CNBD1: variants seen among roughly 807,000 people sequenced by gnomAD.
CNBD1 encodes the protein cyclic nucleotide binding domain containing 1, also known as cyclic nucleotide-binding domain-containing protein 1.
CNBD1 carries 71 observed loss-of-function variants against 54.4 expected under a neutral mutation model. That is an observed-to-expected ratio of 1.30 (90% confidence interval 1.08 to 1.59). The LOEUF (loss-of-function observed/expected upper bound fraction) is 1.59, where lower values mean the gene tolerates loss of function less well. Among genes scored for constraint, CNBD1 ranks in the 40% most tolerant of loss-of-function variants. The probability of loss-of-function intolerance (pLI) is 0.00; values close to 1 mark genes in which losing one functional copy is unlikely to be tolerated. For missense variants in CNBD1, 659 were observed against 518.0 expected (o/e 1.27, Z -2.64); for synonymous variants, 182 against 170.7 (o/e 1.07, Z -0.51).
intron 4 of CNBD1, among the ~76,000 whole-genome samples, chr8:86,960,796 A>C (rs1431388516): frequency 6.6e-6 from 1 of 152,154 alleles, no homozygotes; most frequent in African/African-American, 2.4e-5. Flanking sequence ...TTCCAGAGGA[A>C]GGATCAGGCA....
At chr8:86,972,101 GC>G (rs968308506) in intron 4 of CNBD1, among the ~76,000 whole-genome samples, 3 of 151,798 alleles carry the variant, frequency 2.0e-5, no homozygotes, top group African/African-American at 7.3e-5. Context: ...ACAGGTGCCC[GC>G]CACCATGCCT....
intron 6 of CNBD1, among the ~76,000 whole-genome samples, chr8:87,276,775 G>T (rs1056312657): frequency 6.6e-6 from 1 of 151,790 alleles, no homozygotes; most frequent in East Asian, 1.9e-4. Context: ...AGCCAGACAT[G>T]TCCTGCTGCT....
intron 5 of CNBD1, among the ~76,000 whole-genome samples, chr8:87,209,355 A>C (rs956950737): frequency 6.6e-6 from 1 of 152,178 alleles, no homozygotes; most frequent in Non-Finnish European, 1.5e-5. Flanking sequence ...AAATCAACAT[A>C]CAAAAATTAG....
At chr8:86,910,493 A>AGG (rs1259734525) in intron 3 of CNBD1, among the ~76,000 whole-genome samples, 4 of 152,090 alleles carry the variant, frequency 2.6e-5, no homozygotes, top group Admixed American at 2.6e-4. Flanking sequence ...GAAATGGGGG[A>AGG]GGGGGAGCAT....
rs1362333022 is a variant in CNBD1, at chr8:87,284,751, TG to T, written c.847del (p.Val283Ter). The part of the protein sequence containing the change: ...QNESETQMFS[V>X]VTEDDCEILK... ...GAATCGGAAACACAGATGTTCTCGGTGGTGACAGAAGACGATTGTGAAATTC... is the reference window on the plus strand; with the variant it reads ...GAATCGGAAACACAGATGTTCTCGGTGTGACAGAAGACGATTGTGAAATTC... On this transcript the variant is annotated frameshift_variant, in exon 7 of 11. Coordinates refer to ENST00000518476, the MANE Select transcript of CNBD1 (RefSeq NM_173538.3). LOFTEE classifies it high-confidence loss of function. 4.4e-6 allele frequency: 7 copies of T among 1,603,352 alleles called. No homozygotes were observed. Among genetic ancestry groups the T allele is most frequent in the Non-Finnish European group, 6.0e-6 (7 of 1,174,838 alleles).
At chr8:87,295,703 G>A (rs1016055113) in intron 8 of CNBD1, among the ~76,000 whole-genome samples, 20 of 151,730 alleles carry the variant, frequency 1.3e-4, no homozygotes, top group Admixed American at 6.6e-4. Flanking sequence ...TCCTATTATT[G>A]CAATTAACTT....
intron 6 of CNBD1, among the ~76,000 whole-genome samples, chr8:87,280,135 A>G (rs1486428909): frequency 6.6e-6 from 1 of 151,548 alleles, no homozygotes; most frequent in Non-Finnish European, 1.5e-5. Context: ...TTCCAACTTT[A>G]CCTTCCAGAT....
At position 86,927,312 on chromosome 8, in the gene CNBD1, G is replaced by A. The variant is rs1194958050; in HGVS notation, c.273-12284G>A. 2.6e-5 allele frequency among the ~76,000 whole-genome samples: 4 copies of A among 152,168 alleles called. No individual in the cohort carries two copies. In the South Asian group the frequency reaches 6.2e-4, roughly 24 times the overall value. ...AGAGGGGATAAGAAGGCATTCATTA[G>A]TGGGGGAGGCGCTGCTGCAGGGGGT... On this transcript the variant is annotated intron_variant, in intron 3 of 10. Transcript: ENST00000518476.
intron 4 of CNBD1, among the ~76,000 whole-genome samples, chr8:87,045,736 A>C (rs1235785774): frequency 6.7e-6 from 1 of 149,572 alleles, no homozygotes; most frequent in Non-Finnish European, 1.5e-5. Context: ...AAAAAAAAAA[A>C]AAAAAAAACA....
intron 4 of CNBD1, among the ~76,000 whole-genome samples, chr8:87,154,554 A>G (rs1226177823): frequency 1.3e-5 from 2 of 152,194 alleles, no homozygotes; most frequent in African/African-American, 4.8e-5. Context: ...CACTCTGTGT[A>G]CTTCTTGGAA....
chr8:86,962,092 A>G (rs780963830), intron 4 of CNBD1, among the ~76,000 whole-genome samples: 1 of 149,858 alleles, frequency 6.7e-6, no homozygotes, highest in Non-Finnish European at 1.5e-5. Context: ...CTGGCACTCC[A>G]TGAGGAAAAC....
intron 4 of CNBD1, among the ~76,000 whole-genome samples, chr8:86,958,576 T>G (rs1023371629): frequency 6.6e-6 from 1 of 152,240 alleles, no homozygotes; most frequent in African/African-American, 2.4e-5. Flanking sequence ...TCTTTACCAT[T>G]AGGTAACGGC....
chr8:87,212,142 C>A (rs373992743), intron 5 of CNBD1, among the ~76,000 whole-genome samples: 1 of 151,842 alleles, frequency 6.6e-6, no homozygotes, highest in Non-Finnish European at 1.5e-5. Context: ...AAAAATATAA[C>A]CTGCTTAGGA....
chr8:87,422,369 T>A (rs2130993852), intron 2 of CNBD1, among the ~76,000 whole-genome samples: 1 of 127,402 alleles, frequency 7.8e-6, no homozygotes, highest in East Asian at 2.0e-4. Flanking sequence ...TCCTGAATGG[T>A]AATGCCTAGG....
intron 2 of CNBD1, among the ~76,000 whole-genome samples, chr8:87,406,542 C>A (rs374417030): frequency 6.7e-6 from 1 of 148,970 alleles, no homozygotes; most frequent in Non-Finnish European, 1.5e-5. Flanking sequence ...TTCAGTGGCA[C>A]GATCTCAGCT....
At chr8:87,391,547 T>C (rs74574883) in intron 2 of CNBD1, among the ~76,000 whole-genome samples, 2,869 of 152,188 alleles carry the variant, frequency 0.019, 92 homozygotes, top group African/African-American at 0.062. Flanking sequence ...AAACCTTATT[T>C]TTATGCCTAG....
intron 5 of CNBD1, among the ~76,000 whole-genome samples, chr8:87,221,945 C>A (rs563303620): frequency 2.1e-4 from 32 of 152,084 alleles, no homozygotes; most frequent in African/African-American, 7.0e-4. Context: ...ACTCCTGGTA[C>A]CTTAGAAGAG....
At chr8:86,907,812 C>A (rs987673225) in intron 3 of CNBD1, among the ~76,000 whole-genome samples, 1 of 151,918 alleles carries the variant, frequency 6.6e-6, no homozygotes, top group African/African-American at 2.4e-5. Context: ...TCTATAGATA[C>A]CCTGATGATT....
intron 4 of CNBD1, among the ~76,000 whole-genome samples, chr8:87,129,875 T>C (rs1812080490): frequency 1.3e-5 from 2 of 152,106 alleles, no homozygotes; most frequent in Non-Finnish European, 2.9e-5. Context: ...ACTGGGGAAA[T>C]TTAGAAAAGA....
Sources: gnomAD v4.1 joint callset for allele counts (sites outside exome capture counted in the v4.1 genomes callset) on GRCh38, gnomAD v4.1.1 for gene constraint, MANE v1.5 for transcripts, NCBI Gene and HGNC (gene_info 2026-07-23, HGNC 2026-07-21) for gene names.